Variants in PAICS observed in about 807,000 individuals in gnomAD.
PAICS encodes phosphoribosylaminoimidazole carboxylase and phosphoribosylaminoimidazolesuccinocarboxamide synthase.
Under a neutral mutation model 53.7 loss-of-function variants are expected in PAICS, and 33 were observed. That is an observed-to-expected ratio of 0.61 (90% confidence interval 0.47 to 0.82). PAICS has a LOEUF of 0.82. Ranked by LOEUF, PAICS falls within the 40% of genes least tolerant of loss-of-function variation. The pLI is 0.00. For missense variants in PAICS, 394 were observed against 494.1 expected (o/e 0.80, Z 1.92); for synonymous variants, 141 against 167.2 (o/e 0.84, Z 1.21).
intron 1 of PAICS, 124 bp downstream of exon 1, chr4:56,436,452 G>C: frequency 2.4e-6 from 2 of 840,254 alleles, no homozygotes; most frequent in South Asian, 2.9e-5. Context: ...GCAGCCGCGC[G>C]GGCGCACACG....
chr4:56,410,966 A>G, the PAICS span: 1 of 947,624 alleles, frequency 1.1e-6, no homozygotes, highest in African/African-American at 1.8e-5. Context: ...TTACAGTTTT[A>G]TGAACTGTAA....
chr4:56,416,000 G>A, the PAICS span, among the ~76,000 whole-genome samples: 4 of 151,702 alleles, frequency 2.6e-5, no homozygotes, highest in African/African-American at 9.7e-5. Flanking sequence ...AACCCGGGAG[G>A]CGGAGGTTGC....
At chr4:56,445,983 G>A (rs1415075672) in intron 2 of PAICS, among the ~76,000 whole-genome samples, 1 of 151,558 alleles carries the variant, frequency 6.6e-6, no homozygotes, top group East Asian at 2.0e-4. Context: ...AATACTAGCT[G>A]ACATTACTAC....
At chr4:56,412,120 TC>T in the PAICS span, among the ~76,000 whole-genome samples, 1 of 152,152 alleles carries the variant, frequency 6.6e-6, no homozygotes, top group Non-Finnish European at 1.5e-5. Context: ...CAGGAGTTGG[TC>T]TGATGAAGAT....
chr4:56,462,037 C>A lies in PAICS; in HGVS notation c.*2499C>A, dbSNP rs1719536586. 6.6e-6 allele frequency: 1 copy of A among 152,054 alleles called. No individual in the cohort carries two copies. Among genetic ancestry groups the A allele is most frequent in the South Asian group, 2.1e-4 (1 of 4,812 alleles). 9.4% of individuals were successfully genotyped at this position (152,054 alleles called of 1,614,324 possible). A position where few individuals can be genotyped will look rare whatever the true frequency, so the allele number is the denominator to read the frequency against. On this transcript the variant is annotated 3_prime_UTR_variant, in exon 9 of 9. Transcript: ENST00000512576. ...CCTAGGAAAATAGGACTGAGCAAAG[C>A]CCTTGTCCAGATGGAACTTATGTTT...
At chr4:56,451,751 C>A in intron 6 of PAICS, 121 bp from the exon 7 acceptor site, 1 of 541,620 alleles carries the variant, frequency 1.8e-6, no homozygotes, top group South Asian at 4.0e-5. Context: ...TTGTCTCTGT[C>A]TTAAATTTGA....
intron 1 of PAICS, among the ~76,000 whole-genome samples, chr4:56,437,256 G>GGTGTGTGTGTGTGTGTGTGTGTGTGT (rs57161391): frequency 8.0e-6 from 1 of 124,308 alleles, no homozygotes; most frequent in Non-Finnish European, 1.7e-5. Flanking sequence ...ATGCCATGAT[G>GGTGTGTGTGTGTGTGTGTGTGTGTGT]GTGTGTGTGT....
intron 1 of PAICS, among the ~76,000 whole-genome samples, chr4:56,440,413 T>TA (rs1450645357): frequency 1.3e-5 from 2 of 152,210 alleles, no homozygotes; most frequent in Non-Finnish European, 2.9e-5. Context: ...GTTTAATGGT[T>TA]ACCTCCACTA....
intron 2 of PAICS, among the ~76,000 whole-genome samples, chr4:56,445,763 G>A (rs1050782733): frequency 1.1e-4 from 16 of 152,254 alleles, no homozygotes; most frequent in African/African-American, 3.9e-4. Flanking sequence ...TAGACTAGAG[G>A]ATTAGGTTGG....
chr4:56,459,888 C>G lies in PAICS; in HGVS notation c.*350C>G. The G allele has an allele frequency of 6.2e-6, 1 of 162,326 alleles. No homozygotes were observed. The highest frequency in any genetic ancestry group is 2.4e-5 in the African/African-American group (1 of 41,032). The allele number at this position is 162,326 out of a possible 1,614,324, so 10.1% of individuals were successfully genotyped here. ...TGACTCCCAGCTATATTTCTCCAGA[C>G]TTGCATTTTTTTTTTTTTTTTTGAG... is the stretch of plus-strand genomic sequence containing the variant. On this transcript the variant is annotated 3_prime_UTR_variant, in exon 9 of 9. Transcript: ENST00000512576.
rs1719606720 is a variant in PAICS at position 56,464,246 on chromosome 4, A to G, written c.*4708A>G. The G allele has an allele frequency of 6.6e-6, 1 of 152,224 alleles. No homozygotes were observed. Among genetic ancestry groups the G allele is most frequent in the Admixed American group, 6.5e-5 (1 of 15,286 alleles). The allele number at this position is 152,224 out of a possible 1,614,324, so 9.4% of individuals were successfully genotyped here. A position where few individuals can be genotyped will look rare whatever the true frequency, so the allele number is the denominator to read the frequency against. Reference sequence around the variant, plus strand: ...AGAACAAATACAGCCTATTATGTATATATAAGACCCTGGGAATGCAAAGAT... The same window carrying G: ...AGAACAAATACAGCCTATTATGTATGTATAAGACCCTGGGAATGCAAAGAT... On this transcript the variant is annotated 3_prime_UTR_variant, in exon 9 of 9. Transcript: ENST00000512576.
the PAICS span, among the ~76,000 whole-genome samples, chr4:56,412,310 T>C: frequency 1.8e-4 from 24 of 136,008 alleles, no homozygotes; most frequent in Admixed American, 1.8e-3. Flanking sequence ...TCCCATCACC[T>C]TTTTTTTTTT....
At chr4:56,450,245 A>G (rs915741047) in intron 5 of PAICS, among the ~76,000 whole-genome samples, 3 of 152,122 alleles carry the variant, frequency 2.0e-5, no homozygotes, top group African/African-American at 7.2e-5. Context: ...CCTAGATGAC[A>G]GGTTGATGGG....
the PAICS span, among the ~76,000 whole-genome samples, chr4:56,427,326 G>A: frequency 4.6e-5 from 7 of 152,076 alleles, no homozygotes; most frequent in Non-Finnish European, 7.4e-5. Flanking sequence ...GCATGTATAT[G>A]TTTTTATGTG....
chr4:56,441,542 TTTAA>T (rs1358608947), intron 1 of PAICS, 117 bp from the exon 2 acceptor site: 6 of 459,138 alleles, frequency 1.3e-5, no homozygotes, highest in African/African-American at 1.2e-4. Flanking sequence ...ATACAGATGA[TTTAA>T]TTTTTATTAA....
chr4:56,423,640 G>A, the PAICS span, among the ~76,000 whole-genome samples: 1 of 149,888 alleles, frequency 6.7e-6, no homozygotes, highest in Admixed American at 6.8e-5. Flanking sequence ...AGAAGAAAAA[G>A]ATTAAGTCAA....
chr4:56,441,861 G>A lies in PAICS; in HGVS notation c.214+1G>A. 3.8e-6 allele frequency: 6 copies of A among 1,584,384 alleles called. No homozygotes were observed. Among genetic ancestry groups the A allele is most frequent in the Non-Finnish European group, 5.2e-6 (6 of 1,163,334 alleles). On this transcript the variant is annotated splice_donor_variant, in intron 2 of 8. Coordinates refer to ENST00000512576, the MANE Select transcript of PAICS (RefSeq NM_001079524.2). LOFTEE classifies it high-confidence loss of function. The stretch of plus-strand genomic sequence containing the variant: ...ATTTTTCAGTTATTACAGGAAGCAG[G>A]TAAGCAGCTCCCTCAAAGTCTCTTC...
upstream of PAICS, chr4:56,435,274 A>G: frequency 6.3e-7 from 1 of 1,593,734 alleles, no homozygotes; most frequent in African/African-American, 1.3e-5. Context: ...TCGGGCGCTC[A>G]TGAGAACGCC....
intron 7 of PAICS, 37 bp from the exon 8 acceptor site, chr4:56,453,566 A>T: frequency 7.2e-7 from 1 of 1,380,120 alleles, no homozygotes. Context: ...ATCTGTTTTG[A>T]ATGTTTAGCA....
Sources: gnomAD v4.1 joint callset for allele counts (sites outside exome capture counted in the v4.1 genomes callset) on GRCh38, gnomAD v4.1.1 for gene constraint, MANE v1.5 for transcripts, NCBI Gene and HGNC (gene_info 2026-07-23, HGNC 2026-07-21) for gene names.